Variants in STK32C observed in about 807,000 individuals in gnomAD.
STK32C encodes the protein serine/threonine-protein kinase 32C.
Under a neutral mutation model 56.5 loss-of-function variants are expected in STK32C, and 31 were observed. The observed-to-expected ratio is 0.55, with a 90% CI of 0.41 to 0.74. The LOEUF (loss-of-function observed/expected upper bound fraction) is 0.74, where lower values mean the gene tolerates loss of function less well. Ranked by LOEUF, STK32C falls within the 30% of genes least tolerant of loss-of-function variation. STK32C has a pLI of 0.00. For synonymous variants in STK32C, 309 were observed against 289.4 expected, an observed-to-expected ratio of 1.07 and a Z score of -0.69; for missense variants, 544 against 676.9, an observed-to-expected ratio of 0.80 and a Z score of 2.18.
intron 1 of STK32C, among the ~76,000 whole-genome samples, chr10:132,282,839 GAAGT>G (rs772729337): frequency 3.3e-5 from 5 of 152,250 alleles, no homozygotes; most frequent in South Asian, 2.1e-4. Context: ...GCGAAGGGAA[GAAGT>G]AAGTGGTTTC....
At chr10:132,217,957 C>A (rs998888785) in intron 10 of STK32C, among the ~76,000 whole-genome samples, 3 of 152,142 alleles carry the variant, frequency 2.0e-5, no homozygotes, top group Non-Finnish European at 2.9e-5. Context: ...CCAGGCTGGT[C>A]TCAAACTCCT....
intron 10 of STK32C, 56 bp from the exon 11 acceptor site, chr10:132,209,157 G>T: frequency 6.7e-7 from 1 of 1,501,260 alleles, no homozygotes; most frequent in Non-Finnish European, 9.3e-7. Context: ...TTCCGCCCAT[G>T]TCCCCTCAAG....
intron 1 of STK32C, among the ~76,000 whole-genome samples, chr10:132,282,962 G>A (rs2065262190): frequency 6.6e-6 from 1 of 152,234 alleles, no homozygotes; most frequent in Non-Finnish European, 1.5e-5. Flanking sequence ...GGGGAGGCTG[G>A]CCCTGCTGCG....
intron 1 of STK32C, among the ~76,000 whole-genome samples, chr10:132,256,648 C>G (rs1271574798): frequency 6.6e-6 from 1 of 152,146 alleles, no homozygotes; most frequent in Non-Finnish European, 1.5e-5. Context: ...GCACCTCCCC[C>G]CAGGCTGCCT....
chr10:132,319,402 T>C (rs1240540264), downstream of STK32C, among the ~76,000 whole-genome samples: 1 of 152,236 alleles, frequency 6.6e-6, no homozygotes, highest in African/African-American at 2.4e-5. Flanking sequence ...CAGCATGATT[T>C]CATAGCCCCA....
chr10:132,230,682 G>GGGC (rs2063066031), intron 2 of STK32C, among the ~76,000 whole-genome samples: 1 of 139,358 alleles, frequency 7.2e-6, no homozygotes, highest in Admixed American at 6.9e-5. Flanking sequence ...AAGCTGGCGG[G>GGGC]GGGGGGGGGG....
chr10:132,305,063 A>G (rs1056898344), intron 1 of STK32C, among the ~76,000 whole-genome samples: 8 of 152,248 alleles, frequency 5.3e-5, no homozygotes, highest in Non-Finnish European at 1.5e-5. Context: ...GGCTCGCCCA[A>G]CGCCATGCAG....
chr10:132,296,299 G>A (rs975371083), intron 1 of STK32C, among the ~76,000 whole-genome samples: 8 of 152,010 alleles, frequency 5.3e-5, no homozygotes, highest in South Asian at 4.2e-4. Flanking sequence ...CATGTAACAC[G>A]GGATCTTGGG....
chr10:132,313,429 A>G (rs2066257224), intron 1 of STK32C, among the ~76,000 whole-genome samples: 1 of 152,234 alleles, frequency 6.6e-6, no homozygotes, highest in Non-Finnish European at 1.5e-5. Context: ...GCTCCATGCT[A>G]GGCACTGCAG....
At chr10:132,239,595 C>T (rs959301688) in intron 2 of STK32C, among the ~76,000 whole-genome samples, 6 of 152,232 alleles carry the variant, frequency 3.9e-5, no homozygotes, top group Non-Finnish European at 5.9e-5. Context: ...GTGAGGAAAC[C>T]AGAGCCTGTG....
chr10:132,283,423 G>C (rs115937395), intron 1 of STK32C, among the ~76,000 whole-genome samples: 7 of 152,340 alleles, frequency 4.6e-5, no homozygotes, highest in Admixed American at 3.9e-4. Context: ...CCCCCTCACC[G>C]TGCGACCAGC....
At chr10:132,208,597 C>T (rs1400705807) in intron 11 of STK32C, among the ~76,000 whole-genome samples, 1 of 152,172 alleles carries the variant, frequency 6.6e-6, no homozygotes, top group Non-Finnish European at 1.5e-5. Flanking sequence ...GAGCATCCAT[C>T]CTCCCTTGGG....
intron 1 of STK32C, among the ~76,000 whole-genome samples, chr10:132,252,633 G>A (rs76691816): frequency 0.042 from 6,438 of 152,296 alleles, 240 homozygotes; most frequent in African/African-American, 0.096. Flanking sequence ...TGCACCCAAC[G>A]GCGGGCGTGG....
rs1365333493 is a variant in STK32C at position 132,255,810 on chromosome 10, C to T, written c.263-9855G>A. Among the ~76,000 whole-genome samples, 2 of 152,190 alleles carry T rather than the reference C, an allele frequency of 1.3e-5. No homozygotes were observed. The highest frequency in any genetic ancestry group is 3.2e-3 in the Middle Eastern group (1 of 316). On this transcript the variant is annotated intron_variant, in intron 1 of 11. Coordinates refer to ENST00000298630, the MANE Select transcript of STK32C (RefSeq NM_173575.4). The surrounding 1 kb of genome is among the most constrained non-coding windows in gnomAD (Gnocchi z 4.6). ...GGAGCCTCGAGGTCATGCCTGGGTG[C>T]CAGCACCATGGCCCAGCATTACGTG... is the stretch of plus-strand genomic sequence containing the variant.
At chr10:132,237,832 T>C (rs971907430) in intron 2 of STK32C, among the ~76,000 whole-genome samples, 2 of 152,164 alleles carry the variant, frequency 1.3e-5, no homozygotes, top group Non-Finnish European at 2.9e-5. Flanking sequence ...GATCCCCCTT[T>C]CCCGACCATT....
chr10:132,227,066 ACCC>A, intron 3 of STK32C, 98 bp from the exon 4 acceptor site: 1 of 1,381,702 alleles, frequency 7.2e-7, no homozygotes, highest in Non-Finnish European at 9.9e-7. Flanking sequence ...CCACAGCCCC[ACCC>A]CAGCATCAGC....
At chr10:132,271,444 G>A (rs1020302394) in intron 1 of STK32C, among the ~76,000 whole-genome samples, 3 of 152,200 alleles carry the variant, frequency 2.0e-5, no homozygotes, top group Non-Finnish European at 2.9e-5. Context: ...AACAGTGTGG[G>A]CCCGTGCTGT....
intron 10 of STK32C, among the ~76,000 whole-genome samples, chr10:132,222,393 C>T (rs1005679075): frequency 6.6e-6 from 1 of 152,258 alleles, no homozygotes; most frequent in African/African-American, 2.4e-5. Context: ...ACGAAGGCTT[C>T]ACATGGCCAT....
intron 1 of STK32C, among the ~76,000 whole-genome samples, chr10:132,327,255 T>A (rs2066518078): frequency 1.3e-5 from 2 of 152,166 alleles, no homozygotes; most frequent in African/African-American, 4.8e-5. Flanking sequence ...AAGCTTTCTC[T>A]CCTTTTGCCT....
Sources: allele counts gnomAD v4.1 joint callset (sites outside exome capture counted in the v4.1 genomes callset), GRCh38; gene constraint gnomAD v4.1.1; non-coding constraint Gnocchi (gnomAD v3.1); transcripts MANE v1.5; gene names NCBI Gene and HGNC (gene_info 2026-07-23, HGNC 2026-07-21).